ALCAM: variants seen among roughly 807,000 people sequenced by gnomAD.
ALCAM encodes the protein activated leukocyte cell adhesion molecule, also known as CD166 antigen.
A neutral mutation model predicts 70.9 loss-of-function variants in ALCAM; 30 were observed. That is an observed-to-expected ratio of 0.42 (90% CI 0.32 to 0.57). ALCAM has a LOEUF of 0.57. Ranked by LOEUF, ALCAM falls within the 20% of genes least tolerant of loss-of-function variation. The probability of loss-of-function intolerance (pLI) is 0.11; values close to 1 mark genes in which losing one functional copy is unlikely to be tolerated. For missense variants in ALCAM, 591 were observed against 695.1 expected (o/e 0.85, Z 1.68); for synonymous variants, 249 against 242.5 (o/e 1.03, Z -0.25).
chr3:105,478,566 C>T lies in ALCAM; in HGVS notation c.74-41501C>T, dbSNP rs921060116. Among the ~76,000 whole-genome samples the T allele has an allele frequency of 8.5e-4, 130 of 152,124 alleles. 1 individual carries two copies. The highest frequency in any genetic ancestry group is 2.6e-4 in the Non-Finnish European group (18 of 68,028). On this transcript the variant is annotated intron_variant, in intron 1 of 15. Coordinates refer to ENST00000306107, the MANE Select transcript of ALCAM (RefSeq NM_001627.4). ...AAACTCACCAGTGCCATTCTCTTCTCCCAAGAATTGACAACCCTATAATAG... is the reference window on the plus strand; with the variant it reads ...AAACTCACCAGTGCCATTCTCTTCTTCCAAGAATTGACAACCCTATAATAG...
chr3:105,474,606 A>G (rs1472628079), intron 1 of ALCAM, among the ~76,000 whole-genome samples: 1 of 145,454 alleles, frequency 6.9e-6, no homozygotes, highest in Non-Finnish European at 1.5e-5. Flanking sequence ...AAAAAAAAAG[A>G]GAGAGAGAGA....
intron 3 of ALCAM, among the ~76,000 whole-genome samples, chr3:105,529,325 T>G (rs964192598): frequency 2.0e-5 from 3 of 152,198 alleles, no homozygotes; most frequent in African/African-American, 4.8e-5. Flanking sequence ...GCTTTTCCCT[T>G]CAATTCTATA....
chr3:105,522,013 G>T (rs1363243974), intron 2 of ALCAM, among the ~76,000 whole-genome samples: 2 of 152,170 alleles, frequency 1.3e-5, no homozygotes, highest in Non-Finnish European at 2.9e-5. Flanking sequence ...CAAATTTGCT[G>T]CCAAAACAAA....
At chr3:105,432,504 G>A (rs1240617953) in intron 1 of ALCAM, among the ~76,000 whole-genome samples, 2 of 152,024 alleles carry the variant, frequency 1.3e-5, no homozygotes, top group Non-Finnish European at 2.9e-5. Flanking sequence ...GCTCTAGGTA[G>A]ATATTCCGAT....
chr3:105,481,067 T>G (rs1186580761), intron 1 of ALCAM, among the ~76,000 whole-genome samples: 1 of 152,060 alleles, frequency 6.6e-6, no homozygotes, highest in Non-Finnish European at 1.5e-5. Context: ...AAGGTTTTTG[T>G]TTGGTTTTGT....
chr3:105,524,557 A>G, intron 3 of ALCAM, 49 bp downstream of exon 3: 1 of 1,607,994 alleles, frequency 6.2e-7, no homozygotes, highest in South Asian at 1.1e-5. Flanking sequence ...GATGGCCAGT[A>G]CCAGACCATG....
At chr3:105,533,885 A>G (rs1293717686) in intron 5 of ALCAM, among the ~76,000 whole-genome samples, 195 bp downstream of exon 5, 1 of 152,122 alleles carries the variant, frequency 6.6e-6, no homozygotes, top group Admixed American at 6.6e-5. Flanking sequence ...TTTATTGTGT[A>G]CTTTATTTCT....
intron 8 of ALCAM, among the ~76,000 whole-genome samples, chr3:105,543,495 A>T (rs1486967569): frequency 6.6e-6 from 1 of 151,636 alleles, no homozygotes; most frequent in Admixed American, 6.6e-5. Flanking sequence ...CTTATCTTTG[A>T]TTGCTTGCTT....
intron 1 of ALCAM, among the ~76,000 whole-genome samples, chr3:105,393,813 A>G (rs1458172443): frequency 2.0e-5 from 3 of 151,940 alleles, no homozygotes; most frequent in African/African-American, 7.2e-5. Flanking sequence ...ATTCTTCATT[A>G]TAAGTCAAAA....
At chr3:105,523,048 G>A (rs1375903604) in intron 2 of ALCAM, among the ~76,000 whole-genome samples, 1 of 150,842 alleles carries the variant, frequency 6.6e-6, no homozygotes, top group East Asian at 1.9e-4. Flanking sequence ...CCTGAGGCGG[G>A]AGAATGGCGT....
intron 8 of ALCAM, among the ~76,000 whole-genome samples, chr3:105,542,497 G>A (rs1940144746): frequency 6.6e-6 from 1 of 151,768 alleles, no homozygotes; most frequent in South Asian, 2.1e-4. Context: ...ACACCCTGGT[G>A]ACACTAGAAT....
At chr3:105,441,847 A>C (rs1198262431) in intron 1 of ALCAM, among the ~76,000 whole-genome samples, 1 of 152,124 alleles carries the variant, frequency 6.6e-6, no homozygotes, top group Admixed American at 6.5e-5. Context: ...AAGAATTTCA[A>C]CTCCACTTAA....
At chr3:105,403,381 C>T (rs978608854) in intron 1 of ALCAM, among the ~76,000 whole-genome samples, 7 of 152,150 alleles carry the variant, frequency 4.6e-5, no homozygotes, top group African/African-American at 7.2e-5. Context: ...GAGCAGGCTG[C>T]GAGACCTGAA....
At chr3:105,390,283 G>A (rs774018537) in intron 1 of ALCAM, among the ~76,000 whole-genome samples, 1 of 151,862 alleles carries the variant, frequency 6.6e-6, no homozygotes, top group African/African-American at 2.4e-5. Context: ...TTTAATAATC[G>A]CCATTCTGAC....
At chr3:105,567,842 A>G (rs1940777112) in intron 14 of ALCAM, among the ~76,000 whole-genome samples, 2 of 152,160 alleles carry the variant, frequency 1.3e-5, no homozygotes, top group South Asian at 4.1e-4. Context: ...TTTTTACTAT[A>G]TAATGGATTT....
chr3:105,382,004 A>G (rs1935534325), intron 1 of ALCAM, among the ~76,000 whole-genome samples: 1 of 151,592 alleles, frequency 6.6e-6, no homozygotes, highest in East Asian at 1.9e-4. Flanking sequence ...TTAGTTACAT[A>G]TGCATACATG....
At chr3:105,479,146 T>C (rs1938200604) in intron 1 of ALCAM, among the ~76,000 whole-genome samples, 1 of 152,176 alleles carries the variant, frequency 6.6e-6, no homozygotes, top group Non-Finnish European at 1.5e-5. Context: ...AAATTCATAT[T>C]CTATCTGACT....
chr3:105,390,048 C>G (rs566788107), intron 1 of ALCAM, among the ~76,000 whole-genome samples: 1 of 151,748 alleles, frequency 6.6e-6, no homozygotes, highest in Non-Finnish European at 1.5e-5. Context: ...AATGATCATA[C>G]CTGTGCATGT....
intron 8 of ALCAM, among the ~76,000 whole-genome samples, chr3:105,543,327 G>T (rs1246506677): frequency 2.0e-5 from 3 of 151,662 alleles, no homozygotes; most frequent in Non-Finnish European, 4.4e-5. Context: ...CATTTAATTA[G>T]ATTTAAATGC....
Sources: allele counts gnomAD v4.1 joint callset (sites outside exome capture counted in the v4.1 genomes callset), GRCh38; gene constraint gnomAD v4.1.1; transcripts MANE v1.5; gene names NCBI Gene and HGNC (gene_info 2026-07-23, HGNC 2026-07-21).